The following KAZN variants were observed in gnomAD, a reference collection of about 807,000 sequenced individuals.
KAZN encodes kazrin.
A neutral mutation model predicts 87.4 loss-of-function variants in KAZN; 40 were observed. The observed-to-expected ratio is 0.46, with a 90% confidence interval of 0.36 to 0.60. The LOEUF (loss-of-function observed/expected upper bound fraction) is 0.60. KAZN is among the 20% of genes least tolerant of loss of function. KAZN has a pLI of 0.00. For missense variants in KAZN, 898 were observed against 1,073.9 expected (o/e 0.84, Z 2.29); for synonymous variants, 466 against 458.3 (o/e 1.02, Z -0.22).
chr1:14,600,963 C>T (rs1168763482), intron 1 of KAZN, among the ~76,000 whole-genome samples: 2 of 152,184 alleles, frequency 1.3e-5, no homozygotes, highest in Non-Finnish European at 2.9e-5. Flanking sequence ...CTGACATACT[C>T]GCGGATGGTT....
chr1:14,632,304 T>A (rs1196443931), intron 1 of KAZN, among the ~76,000 whole-genome samples: 1 of 152,226 alleles, frequency 6.6e-6, no homozygotes, highest in African/African-American at 2.4e-5. Flanking sequence ...AAGCATAACA[T>A]CCCTTTCATG....
In KAZN at chr1:14,788,777, C is replaced by CCACTTGTACACGTGGGAGGT. The variant is rs1218934362; in HGVS notation, c.227-171893_227-171874dup. ...AGATACTTGTACATGTGGGAGGTCACCACTTGTACACGTGGGAGGTCACTT... is the reference window on the plus strand; with the variant it reads ...AGATACTTGTACATGTGGGAGGTCACCACTTGTACACGTGGGAGGTCACTTGTACACGTGGGAGGTCACTT... On this transcript the variant is annotated intron_variant, in intron 1 of 14. Transcript: ENST00000376030. Among the ~76,000 whole-genome samples, 31 of 152,120 alleles carry CCACTTGTACACGTGGGAGGT rather than the reference C, an allele frequency of 2.0e-4. No individual in the cohort carries two copies. In the South Asian group the frequency reaches 5.6e-3, roughly 28 times the overall value.
chr1:14,033,591 A>G (rs1003012151), intron 1 of KAZN, among the ~76,000 whole-genome samples: 2 of 152,202 alleles, frequency 1.3e-5, no homozygotes, highest in Non-Finnish European at 2.9e-5. Flanking sequence ...TTTGTAAGCT[A>G]TGTTCAGCCA....
At chr1:14,885,459 T>A (rs1211850063) in intron 1 of KAZN, among the ~76,000 whole-genome samples, 1 of 152,216 alleles carries the variant, frequency 6.6e-6, no homozygotes, top group Non-Finnish European at 1.5e-5. Context: ...CTCCAACATA[T>A]GTCAGGTCTG....
chr1:15,034,619 C>T, intron 2 of KAZN, 130 bp from the exon 3 acceptor site: 1 of 1,110,924 alleles, frequency 9.0e-7, no homozygotes, highest in African/African-American at 1.6e-5. Flanking sequence ...ATGGAAGGGA[C>T]ATTTCGTCTT....
rs72859417 is a variant in KAZN at position 14,026,768 on chromosome 1, A to G, written c.91+133012A>G. Among the ~76,000 whole-genome samples, 152 of 152,316 alleles carry G rather than the reference A, an allele frequency of 1.0e-3. 1 individual carries two copies. Among genetic ancestry groups the G allele is most frequent in the African/African-American group, 3.6e-3 (149 of 41,570 alleles). On this transcript the variant is annotated intron_variant, in intron 1 of 16. Coordinates refer to the KAZN transcript ENST00000636203. ...CAAGAATTGCAGCTGGAAAGTGAAT[A>G]GCACAGCCCTGCTCTCAGGAAGCTC...
chr1:14,446,209 AG>A (rs1246431989), intron 2 of KAZN, among the ~76,000 whole-genome samples: 1 of 152,166 alleles, frequency 6.6e-6, no homozygotes, highest in Non-Finnish European at 1.5e-5. Flanking sequence ...AAACAAAAAA[AG>A]AATTGGTTGA....
chr1:14,676,757 A>G (rs1640246594), intron 1 of KAZN, among the ~76,000 whole-genome samples: 1 of 152,152 alleles, frequency 6.6e-6, no homozygotes, highest in South Asian at 2.1e-4. Flanking sequence ...GCAAATCCAT[A>G]GAGTTGGAAA....
chr1:14,820,498 C>T lies in KAZN; in HGVS notation c.227-140186C>T, dbSNP rs972895551. 4.6e-5 allele frequency among the ~76,000 whole-genome samples: 7 copies of T among 152,204 alleles called. No homozygotes were observed. The highest frequency in any genetic ancestry group is 1.0e-4 in the Non-Finnish European group (7 of 68,032). On this transcript the variant is annotated intron_variant, in intron 1 of 14. Transcript: ENST00000376030. The surrounding 1 kb of genome is among the most constrained non-coding windows in gnomAD (Gnocchi z 4.1). ...GTTTATTCTCACAGCTGCAAACCCA[C>T]GTGCTGGGCTGCACAGCTGCCTGAA...
chr1:14,054,117 A>G (rs994445384), intron 1 of KAZN, among the ~76,000 whole-genome samples: 10 of 151,686 alleles, frequency 6.6e-5, no homozygotes, highest in African/African-American at 2.4e-4. Flanking sequence ...TTAATTGTCT[A>G]CAAGTTGAAA....
At chr1:14,060,838 T>G (rs1312861314) in intron 1 of KAZN, among the ~76,000 whole-genome samples, 1 of 152,194 alleles carries the variant, frequency 6.6e-6, no homozygotes. Context: ...AGGACCATCT[T>G]GGGCAAATTG....
intron 1 of KAZN, among the ~76,000 whole-genome samples, chr1:13,913,699 A>G (rs975582428): frequency 6.6e-6 from 1 of 152,234 alleles, no homozygotes; most frequent in African/African-American, 2.4e-5. Flanking sequence ...TAGGCCAAAC[A>G]AGAAACCTTG....
chr1:14,011,707 A>T lies in KAZN; in HGVS notation c.91+117951A>T, dbSNP rs368934933. ...TCTGTGACCTTGGGCAAGTGAGTGA[A>T]CCTCTCAGAGCCTCAGTATTTCATT... On this transcript the variant is annotated intron_variant, in intron 1 of 16. Coordinates refer to the KAZN transcript ENST00000636203. 2.2e-4 allele frequency among the ~76,000 whole-genome samples: 33 copies of T among 152,076 alleles called. No individual in the cohort carries two copies. The East Asian group carries it at 2.7e-3, about 12-fold the overall frequency.
intron 1 of KAZN, among the ~76,000 whole-genome samples, chr1:14,901,609 G>A (rs1425919760): frequency 4.6e-5 from 7 of 152,138 alleles, no homozygotes; most frequent in Admixed American, 4.6e-4. Context: ...CTCAGACGAG[G>A]GTGGCAGCAG....
chr1:15,075,964 C>G (rs1416341550), intron 8 of KAZN, among the ~76,000 whole-genome samples: 2 of 152,210 alleles, frequency 1.3e-5, no homozygotes, highest in African/African-American at 4.8e-5. Context: ...AATTCCTTTC[C>G]CTGGGACAGG....
chr1:14,113,387 C>A (rs1436504329), intron 1 of KAZN, among the ~76,000 whole-genome samples: 1 of 152,134 alleles, frequency 6.6e-6, no homozygotes, highest in Non-Finnish European at 1.5e-5. Flanking sequence ...GCTGAGTTTT[C>A]CAAATTCTGT....
intron 2 of KAZN, among the ~76,000 whole-genome samples, chr1:14,504,039 T>C (rs2148433018): frequency 6.6e-6 from 1 of 152,266 alleles, no homozygotes; most frequent in East Asian, 1.9e-4. Context: ...CCTCCGAATT[T>C]TCACACCTCC....
chr1:14,655,141 T>TA (rs1289612004), intron 1 of KAZN, among the ~76,000 whole-genome samples: 1 of 150,436 alleles, frequency 6.6e-6, no homozygotes, highest in Non-Finnish European at 1.5e-5. Context: ...GGGGCTGCAC[T>TA]TTGTGAACAC....
intron 1 of KAZN, among the ~76,000 whole-genome samples, chr1:14,828,599 A>C (rs1181625336): frequency 6.6e-6 from 1 of 152,212 alleles, no homozygotes; most frequent in African/African-American, 2.4e-5. Context: ...GTAGCAGTCC[A>C]TAGTCCCCCC....
Sources: gnomAD v4.1 joint callset for allele counts (sites outside exome capture counted in the v4.1 genomes callset) on GRCh38, gnomAD v4.1.1 for gene constraint, Gnocchi (gnomAD v3.1) non-coding constraint, MANE v1.5 for transcripts, NCBI Gene and HGNC (gene_info 2026-07-23, HGNC 2026-07-21) for gene names.